The following ALX1 variants were observed in gnomAD, a reference collection of about 807,000 sequenced individuals.
The protein encoded by ALX1 is ALX homeobox protein 1.
ALX1 carries 19 observed loss-of-function variants against 31.7 expected under a neutral mutation model. The observed-to-expected ratio is 0.60, with a 90% CI of 0.42 to 0.88. The LOEUF is 0.88. Among genes scored for constraint, ALX1 ranks in the 40% least tolerant of loss-of-function variants. The probability of loss-of-function intolerance (pLI) is 0.00; values close to 1 mark genes in which losing one functional copy is unlikely to be tolerated. For missense variants in ALX1, 415 were observed against 407.8 expected, an observed-to-expected ratio of 1.02 and a Z score of -0.15; for synonymous variants, 153 against 148.8, an observed-to-expected ratio of 1.03 and a Z score of -0.20.
intron 1 of ALX1, among the ~76,000 whole-genome samples, chr12:85,280,929 GA>G (rs889527082): frequency 1.3e-5 from 2 of 150,520 alleles, no homozygotes; most frequent in South Asian, 2.1e-4. Flanking sequence ...CACGAGTAGG[GA>G]AAAAAAAACC....
intron 3 of ALX1, among the ~76,000 whole-genome samples, chr12:85,293,661 G>GT (rs1274534490): frequency 1.3e-5 from 2 of 150,910 alleles, no homozygotes; most frequent in Non-Finnish European, 3.0e-5. Context: ...AACTAAATCA[G>GT]TAAGTTGAAT....
intron 3 of ALX1, among the ~76,000 whole-genome samples, chr12:85,296,675 T>A (rs1896891757): frequency 6.6e-6 from 1 of 151,584 alleles, no homozygotes. Flanking sequence ...TTTTAGATTC[T>A]CCACTCCTTT....
chr12:85,293,410 G>T (rs566899572), intron 3 of ALX1, among the ~76,000 whole-genome samples: 1 of 149,680 alleles, frequency 6.7e-6, no homozygotes, highest in East Asian at 1.9e-4. Context: ...TTCATTTAAT[G>T]AAAAAAATTT....
intron 3 of ALX1, 138 bp downstream of exon 3, chr12:85,287,119 G>A: frequency 1.0e-6 from 1 of 985,456 alleles, no homozygotes; most frequent in Non-Finnish European, 1.5e-6. Context: ...CATTCTTCAT[G>A]TCTGCTAAGT....
At chr12:85,296,326 A>C (rs1388946233) in intron 3 of ALX1, among the ~76,000 whole-genome samples, 2 of 151,618 alleles carry the variant, frequency 1.3e-5, no homozygotes, top group Non-Finnish European at 3.0e-5. Context: ...ATATATATTT[A>C]TGTATTTTCC....
rs1422643625 is a variant in ALX1 at position 85,283,893 on chromosome 12, G to A, written c.531+17G>A. ...AGGGTCCAGGTAGGAGCCAAAAAGAGGCCTTGATGGATGGGATAGGAAAAT... is the reference window on the plus strand; with the variant it reads ...AGGGTCCAGGTAGGAGCCAAAAAGAAGCCTTGATGGATGGGATAGGAAAAT... On this transcript the variant is annotated intron_variant, in intron 2 of 3. Coordinates refer to ENST00000316824, the MANE Select transcript of ALX1 (RefSeq NM_006982.3). The A allele has an allele frequency of 3.7e-6, 6 of 1,612,744 alleles. No homozygotes were observed. The highest frequency in any genetic ancestry group is 5.1e-6 in the Non-Finnish European group (6 of 1,179,416).
chr12:85,281,216 A>G (rs1449554966), intron 1 of ALX1, among the ~76,000 whole-genome samples: 1 of 152,198 alleles, frequency 6.6e-6, no homozygotes, highest in African/African-American at 2.4e-5. Context: ...TTATGACTTC[A>G]CATTAAAAGT....
At chr12:85,289,413 AC>A (rs1013431145) in intron 3 of ALX1, among the ~76,000 whole-genome samples, 2 of 151,214 alleles carry the variant, frequency 1.3e-5, no homozygotes, top group Non-Finnish European at 3.0e-5. Flanking sequence ...TAACCTAGAC[AC>A]CGATGGAGGA....
At chr12:85,298,944 T>C (rs1459774710) in intron 3 of ALX1, among the ~76,000 whole-genome samples, 1 of 151,758 alleles carries the variant, frequency 6.6e-6, no homozygotes, top group African/African-American at 2.4e-5. Flanking sequence ...TCTTAATTTA[T>C]ATCTATAGGT....
In ALX1 at chr12:85,301,192, G is replaced by T. The variant is rs1006830040; in HGVS notation, c.698G>T (p.Gly233Val). The T allele has an allele frequency of 1.9e-6, 3 of 1,613,848 alleles. No homozygotes were observed. The highest frequency in any genetic ancestry group is 2.2e-5 in the South Asian group (2 of 91,082). ...NNLWAGNASG[G>V]SVVTSCMLPR... Reference sequence around the variant, plus strand: ...TTGTGGGCAGGAAATGCAAGTGGTGGTTCTGTGGTTACTTCATGCATGTTA... The same window carrying T: ...TTGTGGGCAGGAAATGCAAGTGGTGTTTCTGTGGTTACTTCATGCATGTTA... The change falls in exon 4 of 4, where the codon GGT (glycine) becomes GTT (valine). Residue 233 changes from glycine (G) to valine (V), a missense_variant. Gly to Val is a moderately radical substitution (Grantham distance 109, BLOSUM62 -3). Coordinates refer to ENST00000316824, the MANE Select transcript of ALX1 (RefSeq NM_006982.3).
Position 85,285,218 on chromosome 12 carries a change from G to A in ALX1, c.531+1342G>A, listed in dbSNP as rs12231920. On this transcript the variant is annotated intron_variant, in intron 2 of 3. Transcript: ENST00000316824. Reference sequence around the variant, plus strand: ...ATCTTTTCCCCTTAACATTCACCAAGTCTTGATTAATTTTTGTCTGAGAAC... The same window carrying A: ...ATCTTTTCCCCTTAACATTCACCAAATCTTGATTAATTTTTGTCTGAGAAC... 3.3e-3 allele frequency among the ~76,000 whole-genome samples: 496 copies of A among 152,078 alleles called. 19 individuals are homozygous for A. In the East Asian group the frequency reaches 0.059, roughly 18 times the overall value.
chr12:85,292,212 G>A (rs544401637), intron 3 of ALX1, among the ~76,000 whole-genome samples: 93 of 151,156 alleles, frequency 6.2e-4, no homozygotes, highest in Middle Eastern at 3.4e-3. Flanking sequence ...AATTTACTAT[G>A]TAGGGATCTA....
intron 3 of ALX1, among the ~76,000 whole-genome samples, chr12:85,300,328 G>GTGAA (rs1896946559): frequency 6.6e-6 from 1 of 151,978 alleles, no homozygotes; most frequent in African/African-American, 2.4e-5. Context: ...TATCTCGGGT[G>GTGAA]TGAATGATAA....
At chr12:85,289,532 TC>T (rs1376943728) in intron 3 of ALX1, among the ~76,000 whole-genome samples, 11 of 151,238 alleles carry the variant, frequency 7.3e-5, no homozygotes, top group Middle Eastern at 3.2e-3. Context: ...CACTAATTAT[TC>T]CTCATAATTT....
At chr12:85,282,190 T>C (rs1023644338) in intron 1 of ALX1, among the ~76,000 whole-genome samples, 2 of 152,116 alleles carry the variant, frequency 1.3e-5, no homozygotes, top group Admixed American at 6.6e-5. Flanking sequence ...CTTCTTTATA[T>C]TTGGTTTAAC....
intron 3 of ALX1, among the ~76,000 whole-genome samples, chr12:85,299,462 T>A (rs1896933657): frequency 6.6e-6 from 1 of 151,472 alleles, no homozygotes; most frequent in South Asian, 2.1e-4. Context: ...TATATATATA[T>A]AAAATATATA....
chr12:85,300,954 T>A (rs961183075), intron 3 of ALX1, among the ~76,000 whole-genome samples: 1 of 152,220 alleles, frequency 6.6e-6, no homozygotes, highest in African/African-American at 2.4e-5. Flanking sequence ...GAATGTGAGA[T>A]TTGTTGCTCT....
chr12:85,280,796 T>C (rs1157808847), intron 1 of ALX1, among the ~76,000 whole-genome samples: 1 of 152,026 alleles, frequency 6.6e-6, no homozygotes, highest in Non-Finnish European at 1.5e-5. Context: ...TGGAGTAAAC[T>C]GATAGGGCGC....
At chr12:85,296,128 T>C (rs892311322) in intron 3 of ALX1, among the ~76,000 whole-genome samples, 10 of 151,486 alleles carry the variant, frequency 6.6e-5, no homozygotes, top group African/African-American at 2.4e-4. Flanking sequence ...TCAGTAAATA[T>C]ATTAGAAATG....
Sources: allele counts gnomAD v4.1 joint callset (sites outside exome capture counted in the v4.1 genomes callset), GRCh38; gene constraint gnomAD v4.1.1; transcripts MANE v1.5; gene names NCBI Gene and HGNC (gene_info 2026-07-23, HGNC 2026-07-21).